AGR2: variants seen among roughly 807,000 people sequenced by gnomAD.
AGR2 encodes anterior gradient 2, protein disulphide isomerase family member.
Under a neutral mutation model 25.9 loss-of-function variants are expected in AGR2, and 27 were observed. The observed-to-expected ratio is 1.04, with a 90% CI of 0.77 to 1.44. The LOEUF (loss-of-function observed/expected upper bound fraction) is 1.44. Ranked by LOEUF, AGR2 falls within the 40% of genes most tolerant of loss-of-function variation. The probability of loss-of-function intolerance (pLI) is 0.00; values close to 1 mark genes in which losing one functional copy is unlikely to be tolerated. For synonymous variants in AGR2, 78 were observed against 72.0 expected, an observed-to-expected ratio of 1.08 and a Z score of -0.42; for missense variants, 182 against 200.9, an observed-to-expected ratio of 0.91 and a Z score of 0.57.
intron 3 of AGR2, 41 bp from the exon 4 acceptor site, chr7:16,801,244 T>A (rs1785137542): frequency 2.5e-6 from 4 of 1,610,134 alleles, no homozygotes; most frequent in Non-Finnish European, 1.7e-6. Flanking sequence ...ATGAGTAAGA[T>A]TTCACATATA....
chr7:16,801,158 G>A lies in AGR2; in HGVS notation c.249C>T (p.His83=). ...MIIHHLDECP[H]SQALKKVFAE... Reference sequence around the variant, plus strand: ...CTTAGAAGAATAAATTACCTTGACTGTGTGGGCACTCATCCAAGTGATGAA... The same window carrying A: ...CTTAGAAGAATAAATTACCTTGACTATGTGGGCACTCATCCAAGTGATGAA... The change falls in exon 4 of 8, where the codon CAC becomes CAT. Residue 83 remains histidine, a synonymous_variant. Transcript: ENST00000419304. 5 of 1,613,658 alleles carry A rather than the reference G, an allele frequency of 3.1e-6. No individual in the cohort carries two copies. The highest frequency in any genetic ancestry group is 4.2e-6 in the Non-Finnish European group (5 of 1,179,660).
At chr7:16,802,131 G>A (rs527861605) in intron 1 of AGR2, among the ~76,000 whole-genome samples, 13 of 152,080 alleles carry the variant, frequency 8.5e-5, no homozygotes, top group African/African-American at 2.9e-4. Flanking sequence ...AAATAAGTGA[G>A]CACAGTGCAA....
At chr7:16,795,780 G>GA (rs1785034927) in intron 6 of AGR2, among the ~76,000 whole-genome samples, 1 of 152,178 alleles carries the variant, frequency 6.6e-6, no homozygotes, top group Non-Finnish European at 1.5e-5. Flanking sequence ...CACGTGCCCT[G>GA]AAAATGAGAC....
chr7:16,801,656 A>C lies in AGR2; in HGVS notation c.139+2T>G. 2 of 1,613,684 alleles carry C rather than the reference A, an allele frequency of 1.2e-6. No individual in the cohort carries two copies. The highest frequency in any genetic ancestry group is 8.5e-7 in the Non-Finnish European group (1 of 1,179,906). The stretch of plus-strand genomic sequence containing the variant: ...GGAAGCCAACAAGAAGCTGACTCCT[A>C]CCTCTGGAGAGGGTCTGGGGCAGTT... On this transcript the variant is annotated splice_donor_variant, in intron 2 of 7. Coordinates refer to ENST00000419304, the MANE Select transcript of AGR2 (RefSeq NM_006408.4). LOFTEE classifies it high-confidence loss of function.
intron 1 of AGR2, among the ~76,000 whole-genome samples, chr7:16,803,500 C>T (rs1368398357): frequency 6.6e-6 from 1 of 152,098 alleles, no homozygotes; most frequent in Non-Finnish European, 1.5e-5. Context: ...GAAACCTTTG[C>T]TAAGCATTAG....
At position 16,801,832 on chromosome 7, in the gene AGR2, A is replaced by T. The variant is rs771579628; in HGVS notation, c.-7-29T>A. 17 of 1,589,634 alleles carry T rather than the reference A, an allele frequency of 1.1e-5. No individual in the cohort carries two copies. The Admixed American group carries it at 1.2e-4, about 11-fold the overall frequency. The stretch of plus-strand genomic sequence containing the variant: ...GTATGGAAAACCAACCAAAATCAGT[A>T]AACAAAATTGAACTAGCAGTCTTCA... On this transcript the variant is annotated intron_variant, in intron 1 of 7. Transcript: ENST00000419304.
chr7:16,801,273 G>C, intron 3 of AGR2, 47 bp downstream of exon 3: 2 of 1,607,362 alleles, frequency 1.2e-6, no homozygotes, highest in South Asian at 2.2e-5. Flanking sequence ...TCACTAGGTG[G>C]TGCTCTTGAG....
At chr7:16,800,052 A>G (rs1785115391) in intron 4 of AGR2, among the ~76,000 whole-genome samples, 1 of 152,120 alleles carries the variant, frequency 6.6e-6, no homozygotes, top group African/African-American at 2.4e-5. Context: ...TCCAGCTCAT[A>G]TTTATTGAAT....
chr7:16,798,128 C>T (rs996639059), intron 5 of AGR2, among the ~76,000 whole-genome samples: 1 of 152,168 alleles, frequency 6.6e-6, no homozygotes, highest in African/African-American at 2.4e-5. Context: ...TTAATGAATG[C>T]ACACTCTATT....
rs775286089 is a variant in AGR2 at position 16,799,804 on chromosome 7, C to T, written c.270G>A (p.Val90=). 3.1e-6 allele frequency: 5 copies of T among 1,611,126 alleles called. No individual in the cohort carries two copies. Among genetic ancestry groups the T allele is most frequent in the Non-Finnish European group, 4.2e-6 (5 of 1,177,834 alleles). ...ECPHSQALKK[V]FAENKEIQKL... ...TCTGGATTTCTTTATTTTCAGCAAA[C>T]ACTTTCTTTAAAGCTATAATATAAA... Residue 90 remains valine, a synonymous_variant, in exon 5 of 8, where the codon GTG becomes GTA. Transcript: ENST00000419304.
Position 16,791,883 on chromosome 7 carries a change from G to A in AGR2, c.*1025C>T, listed in dbSNP as rs1221241785. 2 of 152,210 alleles carry A rather than the reference G, an allele frequency of 1.3e-5. No individual in the cohort carries two copies. Among genetic ancestry groups the A allele is most frequent in the African/African-American group, 4.8e-5 (2 of 41,420 alleles). 9.4% of individuals were successfully genotyped at this position (152,210 alleles called of 1,614,324 possible). A position where few individuals can be genotyped will look rare whatever the true frequency, so the allele number is the denominator to read the frequency against. ...CAGATACTGCAAAGCATTATATACA[G>A]CACCATAGTCCAGGGGCCAAAGAAA... On this transcript the variant is annotated 3_prime_UTR_variant, in exon 8 of 8. Coordinates refer to ENST00000419304, the MANE Select transcript of AGR2 (RefSeq NM_006408.4).
In AGR2 at chr7:16,801,651, C is replaced by G. The variant is rs1390284635; in HGVS notation, c.139+7G>C. ...CAGTTGGAAGCCAACAAGAAGCTGACTCCTACCTCTGGAGAGGGTCTGGGG... is the reference window on the plus strand; with the variant it reads ...CAGTTGGAAGCCAACAAGAAGCTGAGTCCTACCTCTGGAGAGGGTCTGGGG... On this transcript the variant is annotated splice_region_variant and intron_variant, in intron 2 of 7. Transcript: ENST00000419304. 1.2e-6 allele frequency: 2 copies of G among 1,613,848 alleles called. No individual in the cohort carries two copies. Among genetic ancestry groups the G allele is most frequent in the Non-Finnish European group, 1.7e-6 (2 of 1,179,966 alleles).
chr7:16,797,752 C>T, intron 5 of AGR2, 58 bp from the exon 6 acceptor site: 1 of 1,420,042 alleles, frequency 7.0e-7, no homozygotes, highest in Non-Finnish European at 9.8e-7. Flanking sequence ...CGTTTTCAAA[C>T]TTGTTAATAC....
At position 16,792,735 on chromosome 7, in the gene AGR2, A is replaced by T. The variant is rs1357924506; in HGVS notation, c.*173T>A. The T allele has an allele frequency of 1.6e-6, 1 of 641,242 alleles. No homozygotes were observed. Among genetic ancestry groups the T allele is most frequent in the Non-Finnish European group, 2.8e-6 (1 of 362,352 alleles). The allele number at this position is 641,242 out of a possible 1,614,324, so 39.7% of individuals were successfully genotyped here. On this transcript the variant is annotated 3_prime_UTR_variant, in exon 8 of 8. Coordinates refer to ENST00000419304, the MANE Select transcript of AGR2 (RefSeq NM_006408.4). ...TACAATATTGTTTTCACACATGTACACTTGAAACCAAATTTCTAAAACTTG... is the reference window on the plus strand; with the variant it reads ...TACAATATTGTTTTCACACATGTACTCTTGAAACCAAATTTCTAAAACTTG...
chr7:16,800,759 T>C (rs1785127991), intron 4 of AGR2, among the ~76,000 whole-genome samples: 1 of 152,182 alleles, frequency 6.6e-6, no homozygotes, highest in Non-Finnish European at 1.5e-5. Context: ...ACTAAGACTT[T>C]TAAGACAATG....
chr7:16,799,396 C>T (rs1785102782), intron 5 of AGR2, among the ~76,000 whole-genome samples: 2 of 152,166 alleles, frequency 1.3e-5, no homozygotes, highest in African/African-American at 4.8e-5. Context: ...AGCCAGAGAG[C>T]TGTCTCTTCC....
At chr7:16,799,982 T>TTGAC (rs1330620718) in intron 4 of AGR2, among the ~76,000 whole-genome samples, 165 bp from the exon 5 acceptor site, 1 of 152,236 alleles carries the variant, frequency 6.6e-6, no homozygotes, top group Non-Finnish European at 1.5e-5. Flanking sequence ...ATCTATGGCA[T>TTGAC]TGACTACCTC....
At chr7:16,794,567 T>G (rs769906557) in intron 7 of AGR2, 76 of 425,262 alleles carry the variant, frequency 1.8e-4, no homozygotes, top group Non-Finnish European at 2.8e-4. Context: ...ATTCTTTCAC[T>G]TTTGTTATTT....
At chr7:16,803,853 CAT>C (rs1386270033) in intron 1 of AGR2, among the ~76,000 whole-genome samples, 1 of 152,152 alleles carries the variant, frequency 6.6e-6, no homozygotes, top group Non-Finnish European at 1.5e-5. Context: ...GGTTCAGAAA[CAT>C]ATGGCAAATA....
Sources: gnomAD v4.1 joint callset for allele counts (sites outside exome capture counted in the v4.1 genomes callset) on GRCh38, gnomAD v4.1.1 for gene constraint, MANE v1.5 for transcripts, NCBI Gene and HGNC (gene_info 2026-07-23, HGNC 2026-07-21) for gene names.